GPC5: variants seen among roughly 807,000 people sequenced by gnomAD.
The protein encoded by GPC5 is glypican-5.
A neutral mutation model predicts 53.9 loss-of-function variants in GPC5; 47 were observed. The ratio of observed to expected loss-of-function variants is 0.87; its 90% CI spans 0.69 to 1.11. GPC5 has a LOEUF of 1.11. GPC5 is among the 50% of genes most tolerant of loss of function. The pLI is 0.00. For synonymous variants in GPC5, 286 were observed against 263.3 expected (o/e 1.09, Z -0.84); for missense variants, 748 against 713.1 (o/e 1.05, Z -0.56).
In GPC5 at chr13:91,986,514, A is replaced by G. The variant is rs1421484791; in HGVS notation, c.1401+78457A>G. Among the ~76,000 whole-genome samples the G allele has an allele frequency of 2.0e-5, 3 of 152,196 alleles. No homozygotes were observed. The East Asian group carries it at 5.8e-4, about 29-fold the overall frequency. ...TTCCTGTTCCCAGCTTTACATTTTCATATAGTTCAACCATATGTTTCTTTA... is the reference window on the plus strand; with the variant it reads ...TTCCTGTTCCCAGCTTTACATTTTCGTATAGTTCAACCATATGTTTCTTTA... On this transcript the variant is annotated intron_variant, in intron 6 of 7. Coordinates refer to ENST00000377067, the MANE Select transcript of GPC5 (RefSeq NM_004466.6).
At chr13:92,300,995 G>A (rs1007288711) in intron 7 of GPC5, among the ~76,000 whole-genome samples, 3 of 152,194 alleles carry the variant, frequency 2.0e-5, no homozygotes, top group Admixed American at 6.5e-5. Flanking sequence ...AATTTCAACA[G>A]CAGTAGTGAC....
At chr13:92,610,436 A>G (rs1433274913) in intron 7 of GPC5, among the ~76,000 whole-genome samples, 1 of 152,160 alleles carries the variant, frequency 6.6e-6, no homozygotes, top group African/African-American at 2.4e-5. Flanking sequence ...GTCAGCTTTT[A>G]AAATATCTTG....
rs1355140329 is a variant in GPC5, at chr13:92,066,116, G to A, written c.1402-78714G>A. Among the ~76,000 whole-genome samples the A allele has an allele frequency of 2.0e-5, 3 of 152,148 alleles. No homozygotes were observed. The East Asian group carries it at 5.8e-4, about 29-fold the overall frequency. On this transcript the variant is annotated intron_variant, in intron 6 of 7. Transcript: ENST00000377067. Reference sequence around the variant, plus strand: ...TGTAAAAGGGAGGCAGAAGTTTAAGGAAAAATGTTGGTTAGGTAAACTTGG... The same window carrying A: ...TGTAAAAGGGAGGCAGAAGTTTAAGAAAAAATGTTGGTTAGGTAAACTTGG...
chr13:91,888,890 G>A (rs988391758), intron 5 of GPC5, among the ~76,000 whole-genome samples: 25 of 152,174 alleles, frequency 1.6e-4, no homozygotes, highest in Admixed American at 1.6e-3. Context: ...ATGTAACATA[G>A]GGAGGGAAGG....
intron 7 of GPC5, among the ~76,000 whole-genome samples, chr13:92,285,130 C>A (rs1186990603): frequency 6.6e-6 from 1 of 152,106 alleles, no homozygotes; most frequent in Non-Finnish European, 1.5e-5. Context: ...TGAGTGAACT[C>A]CCATTCACAA....
intron 6 of GPC5, among the ~76,000 whole-genome samples, chr13:92,090,124 C>T (rs574361858): frequency 3.3e-5 from 5 of 152,216 alleles, no homozygotes; most frequent in Admixed American, 1.3e-4. Context: ...TCTGATTTGC[C>T]TATCTAAAGA....
chr13:91,430,628 G>A (rs900030033), intron 1 of GPC5, among the ~76,000 whole-genome samples: 1 of 152,190 alleles, frequency 6.6e-6, no homozygotes, highest in African/African-American at 2.4e-5. Context: ...GGGTGGAGAG[G>A]CGGAGAGGAA....
intron 7 of GPC5, among the ~76,000 whole-genome samples, chr13:92,452,927 G>T (rs1038551832): frequency 2.6e-5 from 4 of 152,144 alleles, no homozygotes; most frequent in Non-Finnish European, 4.4e-5. Flanking sequence ...CCCAGCTACT[G>T]CAATTACTTG....
chr13:92,617,333 A>G (rs1213302135), intron 7 of GPC5, among the ~76,000 whole-genome samples: 1 of 152,204 alleles, frequency 6.6e-6, no homozygotes, highest in Non-Finnish European at 1.5e-5. Flanking sequence ...ACAATCCAGC[A>G]TTCAGTTCCT....
intron 7 of GPC5, among the ~76,000 whole-genome samples, chr13:92,777,335 C>CA (rs71202561): frequency 0.034 from 2,155 of 63,152 alleles, 69 homozygotes; most frequent in African/African-American, 0.043. Flanking sequence ...GACTCCATCT[C>CA]AAAAAAAAAA....
chr13:92,497,028 C>T (rs1880005273), intron 7 of GPC5, among the ~76,000 whole-genome samples: 1 of 152,158 alleles, frequency 6.6e-6, no homozygotes, highest in Non-Finnish European at 1.5e-5. Flanking sequence ...GGGTAGATTA[C>T]AAAAGTTTTC....
At chr13:91,779,976 T>G (rs776012671) in intron 5 of GPC5, among the ~76,000 whole-genome samples, 2 of 152,222 alleles carry the variant, frequency 1.3e-5, no homozygotes, top group Non-Finnish European at 2.9e-5. Context: ...AACATAGCTG[T>G]TTATTATCAG....
intron 7 of GPC5, among the ~76,000 whole-genome samples, chr13:92,527,366 A>G (rs563651212): frequency 6.6e-6 from 1 of 152,140 alleles, no homozygotes; most frequent in Non-Finnish European, 1.5e-5. Flanking sequence ...AAAGGCAAGC[A>G]GCATGAAAAA....
chr13:92,159,728 G>C (rs972249032), intron 7 of GPC5, among the ~76,000 whole-genome samples: 1 of 145,084 alleles, frequency 6.9e-6, no homozygotes, highest in African/African-American at 2.5e-5. Context: ...TCAGCCTCCC[G>C]AGTAGCTGGG....
chr13:92,026,260 C>A (rs1346128534), intron 6 of GPC5, among the ~76,000 whole-genome samples: 2 of 151,722 alleles, frequency 1.3e-5, no homozygotes, highest in South Asian at 2.1e-4. Flanking sequence ...TGTATAGTTT[C>A]TTTACATAAA....
At chr13:92,654,923 G>C (rs1886077769) in intron 7 of GPC5, among the ~76,000 whole-genome samples, 1 of 152,124 alleles carries the variant, frequency 6.6e-6, no homozygotes, top group Non-Finnish European at 1.5e-5. Context: ...GTTCTTATAA[G>C]AAGAGGGAAA....
rs528326780 is a variant in GPC5 at position 92,535,707 on chromosome 13, C to G, written c.1562-330575C>G. 1.1e-4 allele frequency among the ~76,000 whole-genome samples: 16 copies of G among 151,732 alleles called. No homozygotes were observed. In the South Asian group the frequency reaches 2.7e-3, roughly 26 times the overall value. On this transcript the variant is annotated intron_variant, in intron 7 of 7. Transcript: ENST00000377067. Reference sequence around the variant, plus strand: ...ACCAGTCTGTGGGACTATTGGGTTGCTTTCATATGATCCTCTTTGCCAATA... The same window carrying G: ...ACCAGTCTGTGGGACTATTGGGTTGGTTTCATATGATCCTCTTTGCCAATA...
chr13:91,786,503 T>A (rs1431157213), intron 5 of GPC5, among the ~76,000 whole-genome samples: 1 of 152,204 alleles, frequency 6.6e-6, no homozygotes, highest in Non-Finnish European at 1.5e-5. Flanking sequence ...TTTCATTGAT[T>A]ATTGAAAGGT....
chr13:92,590,574 C>T (rs1385912466), intron 7 of GPC5, among the ~76,000 whole-genome samples: 1 of 152,210 alleles, frequency 6.6e-6, no homozygotes, highest in Non-Finnish European at 1.5e-5. Context: ...TGACACTTCA[C>T]TCAAACATTC....
Sources: gnomAD v4.1 joint callset for allele counts (sites outside exome capture counted in the v4.1 genomes callset) on GRCh38, gnomAD v4.1.1 for gene constraint, MANE v1.5 for transcripts, NCBI Gene and HGNC (gene_info 2026-07-23, HGNC 2026-07-21) for gene names.